Variants in TESK1 observed in about 807,000 individuals in gnomAD.
TESK1 encodes dual specificity testis-specific protein kinase 1.
A neutral mutation model predicts 59.9 loss-of-function variants in TESK1; 18 were observed. The ratio of observed to expected loss-of-function variants is 0.30; its 90% CI spans 0.21 to 0.45. The LOEUF (loss-of-function observed/expected upper bound fraction) is 0.45. Ranked by LOEUF, TESK1 falls within the 20% of genes least tolerant of loss-of-function variation. The probability of loss-of-function intolerance (pLI) is 1.00; values close to 1 mark genes in which losing one functional copy is unlikely to be tolerated. For missense variants in TESK1, 748 were observed against 840.9 expected (o/e 0.89, Z 1.37); for synonymous variants, 341 against 357.4 (o/e 0.95, Z 0.52).
Position 35,605,625 on chromosome 9 carries a change from C to A in TESK1, c.6C>A (p.Ala2=). 2.6e-6 allele frequency: 3 copies of A among 1,172,454 alleles called. No homozygotes were observed. Among genetic ancestry groups the A allele is most frequent in the Middle Eastern group, 3.4e-4 (1 of 2,974 alleles). The allele number at this position is 1,172,454 out of a possible 1,614,324, so 72.6% of individuals were successfully genotyped here. A position where few individuals can be genotyped will look rare whatever the true frequency, so the allele number is the denominator to read the frequency against. Residue 2 remains alanine, a synonymous_variant, in exon 1 of 10, where the codon GCC becomes GCA. Coordinates refer to ENST00000336395, the MANE Select transcript of TESK1 (RefSeq NM_006285.3). ...CCCGGGCTGGGGGCCCGGCCATGGC[C>A]GGGGAACGGCCCCCACTGCGGGGCC... The part of the protein sequence containing the change: M[A]GERPPLRGPG...
Position 35,608,202 on chromosome 9 carries a change from G to C in TESK1, c.838G>C (p.Asp280His). The C allele has an allele frequency of 3.1e-6, 5 of 1,614,176 alleles. No homozygotes were observed. The highest frequency in any genetic ancestry group is 1.3e-5 in the African/African-American group (1 of 75,040). ...GCCTGCTTTCCGAACTCTGGTGGGG[G>C]ATGACTGCCCACTGCCTTTCTTGCT... ...DVPAFRTLVG[D>H]DCPLPFLLLA... The change falls in exon 8 of 10, where the codon GAT becomes CAT. Residue 280 changes from aspartate to histidine, a missense_variant. Asp to His is a moderately conservative substitution (Grantham distance 81). Transcript: ENST00000336395.
Position 35,609,118 on chromosome 9 carries a change from G to A in TESK1, c.1257G>A (p.Val419=). Reference sequence around the variant, plus strand: ...TCCCATCCACTCAGCTGCCCTTGGTGACCACTCCGGAGACCCTGGTCCAGC... The same window carrying A: ...TCCCATCCACTCAGCTGCCCTTGGTAACCACTCCGGAGACCCTGGTCCAGC... ...SPFPSTQLPL[V]TTPETLVQPG... Residue 419 remains valine, a synonymous_variant, in exon 10 of 10, where the codon GTG becomes GTA. Coordinates refer to ENST00000336395, the MANE Select transcript of TESK1 (RefSeq NM_006285.3). The surrounding 1 kb of genome is among the most constrained non-coding windows in gnomAD (Gnocchi z 6.7). 1 of 1,614,114 alleles carries A rather than the reference G, an allele frequency of 6.2e-7. No homozygotes were observed. The highest frequency in any genetic ancestry group is 8.5e-7 in the Non-Finnish European group (1 of 1,180,018).
chr9:35,607,890 GT>G lies in TESK1; in HGVS notation c.712-36del. The stretch of plus-strand genomic sequence containing the variant: ...CTGTCAAAATTCTGAAATGAAAACT[GT>G]TAATTCTTCCCCGACACTATTATCT... On this transcript the variant is annotated intron_variant, in intron 6 of 9. Transcript: ENST00000336395. This position sits in a 1 kb window ranked among gnomAD's most constrained non-coding sequence, Gnocchi z 4.5. 1 of 1,605,658 alleles carries G rather than the reference GT, an allele frequency of 6.2e-7. No individual in the cohort carries two copies. The highest frequency in any genetic ancestry group is 1.3e-5 in the African/African-American group (1 of 74,836).
Position 35,609,136 on chromosome 9 carries a change from G to A in TESK1, c.1275G>A (p.Leu425=). ...CCTTGGTGACCACTCCGGAGACCCTGGTCCAGCCTGGGACACCTGCCCGCC... is the reference window on the plus strand; with the variant it reads ...CCTTGGTGACCACTCCGGAGACCCTAGTCCAGCCTGGGACACCTGCCCGCC... ...QLPLVTTPET[L]VQPGTPARRC... is the part of the protein sequence containing the mutation. Residue 425 remains leucine (L), a synonymous_variant, in exon 10 of 10, where the codon CTG becomes CTA. Coordinates refer to ENST00000336395, the MANE Select transcript of TESK1 (RefSeq NM_006285.3). The surrounding 1 kb of genome is among the most constrained non-coding windows in gnomAD (Gnocchi z 6.7). 6.2e-7 allele frequency: 1 copy of A among 1,613,978 alleles called. No homozygotes were observed. The highest frequency in any genetic ancestry group is 8.5e-7 in the Non-Finnish European group (1 of 1,180,010).
chr9:35,605,673 G>A lies in TESK1; in HGVS notation c.54G>A (p.Val18=). The change falls in exon 1 of 10, where the codon GTG becomes GTA. Residue 18 remains valine, a synonymous_variant. Transcript: ENST00000336395. Reference sequence around the variant, plus strand: ...GCCCTGGGCCCGGGCCTGGAGAGGTGCCGGGGGAGGGGCCCCCGGGGCCGG... The same window carrying A: ...GCCCTGGGCCCGGGCCTGGAGAGGTACCGGGGGAGGGGCCCCCGGGGCCGG... ...LRGPGPGPGE[V]PGEGPPGPGG... The A allele has an allele frequency of 7.0e-7, 1 of 1,430,492 alleles. No individual in the cohort carries two copies. The highest frequency in any genetic ancestry group is 9.1e-7 in the Non-Finnish European group (1 of 1,094,214). The allele number at this position is 1,430,492 out of a possible 1,614,324, so 88.6% of individuals were successfully genotyped here. A position where few individuals can be genotyped will look rare whatever the true frequency, so the allele number is the denominator to read the frequency against.
At position 35,609,658 on chromosome 9, in the gene TESK1, T is replaced by C; in HGVS notation, c.1797T>C (p.Cys599=). Residue 599 remains cysteine (C), a synonymous_variant, in exon 10 of 10, where the codon TGT becomes TGC. Transcript: ENST00000336395. The surrounding 1 kb of genome is among the most constrained non-coding windows in gnomAD (Gnocchi z 6.7). ...PAVARYRNLN[C]EAGSLLCHRG... ...TTGCCCGCTACCGCAACCTGAACTG[T>C]GAGGCGGGCAGTCTCCTCTGCCACC... 1 of 1,605,912 alleles carries C rather than the reference T, an allele frequency of 6.2e-7. No individual in the cohort carries two copies. Among genetic ancestry groups the C allele is most frequent in the African/African-American group, 1.3e-5 (1 of 75,036 alleles).
rs577887286 is a variant in TESK1, at chr9:35,607,139, C to T, written c.537+156C>T. ...GGGGGACCAGGGTGAGGGGAGTGCT[C>T]GGAGGGACTGAGTAGCACCCTGTGT... is the stretch of plus-strand genomic sequence containing the variant. On this transcript the variant is annotated intron_variant, in intron 4 of 9. Coordinates refer to ENST00000336395, the MANE Select transcript of TESK1 (RefSeq NM_006285.3). This position sits in a 1 kb window ranked among gnomAD's most constrained non-coding sequence, Gnocchi z 4.5. The T allele has an allele frequency of 5.7e-5, 72 of 1,270,608 alleles. No individual in the cohort carries two copies. The highest frequency in any genetic ancestry group is 8.6e-5 in the Admixed American group (4 of 46,664). 78.7% of individuals were successfully genotyped at this position (1,270,608 alleles called of 1,614,324 possible). A position where few individuals can be genotyped will look rare whatever the true frequency, so the allele number is the denominator to read the frequency against.
intron 3 of TESK1, 45 bp downstream of exon 3, chr9:35,606,330 C>T: frequency 6.2e-7 from 1 of 1,608,992 alleles, no homozygotes; most frequent in Non-Finnish European, 8.5e-7. Context: ...CCCTTCACCC[C>T]CAAGGATAAA....
rs1317859130 is a variant in TESK1, at chr9:35,606,838, A to G, written c.392A>G (p.Tyr131Cys). The part of the protein sequence containing the change: ...HQGQLHALTE[Y>C]MNGGTLEQLL... Reference sequence around the variant, plus strand: ...TCCCATTCTCCTCCTATGCACCAGTATATGAATGGGGGGACATTGGAACAG... The same window carrying G: ...TCCCATTCTCCTCCTATGCACCAGTGTATGAATGGGGGGACATTGGAACAG... The change falls in exon 4 of 10, where the codon TAT becomes TGT. Residue 131 changes from tyrosine (Y) to cysteine (C), a missense_variant and splice_region_variant. Around this residue, in one of 3 missense-constraint regions of TESK1, gnomAD observed 168 missense variants for 257.4 expected, o/e 0.65. Coordinates refer to ENST00000336395, the MANE Select transcript of TESK1 (RefSeq NM_006285.3). The G allele has an allele frequency of 6.2e-7, 1 of 1,603,636 alleles. No individual in the cohort carries two copies. The highest frequency in any genetic ancestry group is 8.5e-7 in the Non-Finnish European group (1 of 1,175,230).
Position 35,605,806 on chromosome 9 carries a change from A to G in TESK1, c.187A>G (p.Ile63Val). 1 of 1,611,842 alleles carries G rather than the reference A, an allele frequency of 6.2e-7. No homozygotes were observed. Among genetic ancestry groups the G allele is most frequent in the Non-Finnish European group, 8.5e-7 (1 of 1,179,514 alleles). The part of the protein sequence containing the change: ...RVDDFHCAEK[I>V]GAGFFSEVYK... ...GGACGATTTTCACTGCGCGGAGAAG[A>G]TCGGGGCCGGCTTCTTCTCTGAGGT... The change falls in exon 1 of 10, where the codon ATC (isoleucine) becomes GTC (valine). Residue 63 changes from isoleucine (I) to valine (V), a missense_variant. By Grantham distance (29) the Ile-to-Val change is conservative. Coordinates refer to ENST00000336395, the MANE Select transcript of TESK1 (RefSeq NM_006285.3).
Position 35,609,662 on chromosome 9 carries a change from G to A in TESK1, c.1801G>A (p.Ala601Thr). The change falls in exon 10 of 10, where the codon GCG becomes ACG. Residue 601 changes from alanine to threonine, a missense_variant. Transcript: ENST00000336395. The surrounding 1 kb of genome is among the most constrained non-coding windows in gnomAD (Gnocchi z 6.7). ...VARYRNLNCE[A>T]GSLLCHRGHH... ...CCGCTACCGCAACCTGAACTGTGAG[G>A]CGGGCAGTCTCCTCTGCCACCGAGG... 6.2e-7 allele frequency: 1 copy of A among 1,605,240 alleles called. No individual in the cohort carries two copies. The highest frequency in any genetic ancestry group is 8.5e-7 in the Non-Finnish European group (1 of 1,179,938).
chr9:35,609,540 G>T lies in TESK1; in HGVS notation c.1679G>T (p.Arg560Leu). ...CCCTCGCCACCCCCTTCAGCTCCCC[G>T]GGAGCCCGATGAGGGGCTGCCCTGT... ...TEPSPPPSAP[R>L]EPDEGLPCPG... Residue 560 changes from arginine (R) to leucine (L), a missense_variant, in exon 10 of 10, where the codon CGG becomes CTG. Around this residue, in one of 3 missense-constraint regions of TESK1, gnomAD observed 447 missense variants for 466.1 expected, o/e 0.96. Coordinates refer to ENST00000336395, the MANE Select transcript of TESK1 (RefSeq NM_006285.3). This position sits in a 1 kb window ranked among gnomAD's most constrained non-coding sequence, Gnocchi z 6.7. 6.2e-7 allele frequency: 1 copy of T among 1,612,622 alleles called. No homozygotes were observed. The highest frequency in any genetic ancestry group is 1.1e-5 in the South Asian group (1 of 90,908).
In TESK1 at chr9:35,606,101, C is replaced by A. The variant is rs755246337; in HGVS notation, c.337C>A (p.Leu113Ile). The A allele has an allele frequency of 3.1e-6, 5 of 1,614,148 alleles. No individual in the cohort carries two copies. The highest frequency in any genetic ancestry group is 4.2e-6 in the Non-Finnish European group (5 of 1,180,006). ...GAACCGGCTCAGGCACCCCAACATC[C>A]TAAGGTGAGCGGCCCCAGTCTCTGG... ...LMNRLRHPNI[L>I]RFMGVCVHQG... is the part of the protein sequence containing the mutation. Residue 113 changes from leucine (L) to isoleucine (I), a missense_variant, in exon 2 of 10, where the codon CTA becomes ATA. Physicochemically the swap from Leu to Ile is conservative, Grantham distance 5 (BLOSUM62 2). This residue lies in a region of TESK1 where 168 missense variants were observed against 257.4 expected (regional missense o/e 0.65). Transcript: ENST00000336395.
At chr9:35,606,768 G>A (rs1031910006) in intron 3 of TESK1, 69 bp from the exon 4 acceptor site, 37 of 1,467,894 alleles carry the variant, frequency 2.5e-5, no homozygotes, top group Non-Finnish European at 3.4e-5. Context: ...GTCCCCTAGC[G>A]TGTAAGTGGG....
chr9:35,606,954 G>A lies in TESK1; in HGVS notation c.508G>A (p.Gly170Ser). ...ARGLRYLHSKGVFHRDLTSKN... is the reference protein window; with the variant it reads ...ARGLRYLHSKSVFHRDLTSKN... ...AGGCCTGCGGTACCTGCACTCCAAA[G>A]GTGTATTTCACCGCGACCTCACATC... Residue 170 changes from glycine (G) to serine (S), a missense_variant, in exon 4 of 10, where the codon GGT becomes AGT. Physicochemically the swap from Gly to Ser is moderately conservative, Grantham distance 56. Around this residue, in one of 3 missense-constraint regions of TESK1, gnomAD observed 168 missense variants for 257.4 expected, o/e 0.65. Coordinates refer to ENST00000336395, the MANE Select transcript of TESK1 (RefSeq NM_006285.3). 1.2e-6 allele frequency: 2 copies of A among 1,608,066 alleles called. No homozygotes were observed. Among genetic ancestry groups the A allele is most frequent in the East Asian group, 2.2e-5 (1 of 44,800 alleles).
intron 8 of TESK1, 22 bp from the exon 9 acceptor site, chr9:35,608,373 C>T (rs780193233): frequency 8.7e-6 from 14 of 1,612,278 alleles, no homozygotes; most frequent in South Asian, 1.1e-5. Context: ...TGAGTGAAGC[C>T]GTTCCTGTCT....
chr9:35,605,734 T>A lies in TESK1; in HGVS notation c.115T>A (p.Ser39Thr), dbSNP rs1429320622. 6.3e-7 allele frequency: 1 copy of A among 1,590,712 alleles called. No homozygotes were observed. The highest frequency in any genetic ancestry group is 8.6e-7 in the Non-Finnish European group (1 of 1,169,002). ...CGGAGGCCCGGGCCGGGGCCGCCCC[T>A]CCTCCTACCGGGCTCTCCGCAGCGC... ...TGGGPGRGRP[S>T]SYRALRSAVS... Residue 39 changes from serine (S) to threonine (T), a missense_variant, in exon 1 of 10, where the codon TCC becomes ACC. By Grantham distance (58) the Ser-to-Thr change is moderately conservative. This residue lies in a region of TESK1 where 133 missense variants were observed against 117.4 expected (regional missense o/e 1.13). Coordinates refer to ENST00000336395, the MANE Select transcript of TESK1 (RefSeq NM_006285.3).
At chr9:35,608,718 A>G in intron 9 of TESK1, 144 bp from the exon 10 acceptor site, 1 of 1,036,158 alleles carries the variant, frequency 9.7e-7, no homozygotes, top group East Asian at 2.4e-5. Flanking sequence ...AGGGGCCTGG[A>G]GATGACATCA....
In TESK1 at chr9:35,608,629, G is replaced by A. The variant is rs544059869; in HGVS notation, c.1000+120G>A. 8 of 999,350 alleles carry A rather than the reference G, an allele frequency of 8.0e-6. No homozygotes were observed. In the South Asian group the frequency reaches 1.3e-4, roughly 16 times the overall value. The allele number at this position is 999,350 out of a possible 1,614,324, so 61.9% of individuals were successfully genotyped here. A position where few individuals can be genotyped will look rare whatever the true frequency, so the allele number is the denominator to read the frequency against. On this transcript the variant is annotated intron_variant, in intron 9 of 9. Transcript: ENST00000336395. ...AGTTGAAAAGGCTGGGGGTCGGGCT[G>A]GGGTAGGGTGGGAGGACATCTCCAA...
Sources: allele counts gnomAD v4.1 joint callset, GRCh38; gene constraint gnomAD v4.1.1; regional missense constraint gnomAD v4.1.1; non-coding constraint Gnocchi (gnomAD v3.1); transcripts MANE v1.5; gene names NCBI Gene and HGNC (gene_info 2026-07-23, HGNC 2026-07-21).